Variants in CFAP57 observed in about 807,000 individuals in gnomAD.
The protein encoded by CFAP57 is cilia- and flagella-associated protein 57.
Under a neutral mutation model 146.8 loss-of-function variants are expected in CFAP57, and 116 were observed. The ratio of observed to expected loss-of-function variants is 0.79; its 90% confidence interval spans 0.68 to 0.92. The LOEUF is 0.92. Ranked by LOEUF, CFAP57 falls within the 40% of genes least tolerant of loss-of-function variation. CFAP57 has a pLI of 0.00. For missense variants in CFAP57, 1,377 were observed against 1,527.2 expected (o/e 0.90, Z 1.64); for synonymous variants, 518 against 552.8 (o/e 0.94, Z 0.88).
chr1:43,184,537 G>A (rs1645559902), intron 4 of CFAP57, among the ~76,000 whole-genome samples: 2 of 151,952 alleles, frequency 1.3e-5, no homozygotes, highest in South Asian at 4.2e-4. Context: ...CCATTTTGTA[G>A]ACAAGGAAAC....
rs552907284 is a variant in CFAP57, at chr1:43,208,643, G to A, written c.1756-1100G>A. Among the ~76,000 whole-genome samples, 14 of 152,296 alleles carry A rather than the reference G, an allele frequency of 9.2e-5. No individual in the cohort carries two copies. In the East Asian group the frequency reaches 1.7e-3, roughly 19 times the overall value. On this transcript the variant is annotated intron_variant, in intron 10 of 22. Coordinates refer to ENST00000372492, the MANE Select transcript of CFAP57 (RefSeq NM_001378189.1). ...GGAACACCACACAACGGGGCCTGTC[G>A]TGGGATGGGGGGAACAGGGAGGGAT...
intron 8 of CFAP57, 130 bp from the exon 9 acceptor site, chr1:43,199,260 C>T (rs1644004866): frequency 1.2e-6 from 1 of 853,934 alleles, no homozygotes; most frequent in Non-Finnish European, 2.0e-6. Flanking sequence ...CTCATTTGCA[C>T]CTTCCCCCCA....
intron 2 of CFAP57, among the ~76,000 whole-genome samples, chr1:43,180,221 T>A (rs1645338854): frequency 8.0e-6 from 1 of 125,592 alleles, no homozygotes; most frequent in African/African-American, 3.9e-5. Flanking sequence ...AATATATATA[T>A]TTTATATATA....
intron 2 of CFAP57, among the ~76,000 whole-genome samples, chr1:43,178,504 C>T (rs1263620691): frequency 1.3e-5 from 2 of 152,192 alleles, no homozygotes; most frequent in African/African-American, 4.8e-5. Context: ...CAAAAGAAGA[C>T]ATTTATGCAG....
In CFAP57 at chr1:43,245,484, C is replaced by T. The variant is rs1053743699; in HGVS notation, c.3538+2125C>T. On this transcript the variant is annotated intron_variant, in intron 22 of 22. Coordinates refer to ENST00000372492, the MANE Select transcript of CFAP57 (RefSeq NM_001378189.1). ...ATTGAGAGAGAAGTCTAATCAATTC[C>T]TGGGACCCCAGTCCCCTACTTCCAA... is the stretch of plus-strand genomic sequence containing the variant. 2.0e-5 allele frequency among the ~76,000 whole-genome samples: 3 copies of T among 152,244 alleles called. No individual in the cohort carries two copies. In the South Asian group the frequency reaches 6.2e-4, roughly 32 times the overall value.
In CFAP57 at chr1:43,201,625, CTT is replaced by C. The variant is rs558063307; in HGVS notation, c.1542+2128_1542+2129del. On this transcript the variant is annotated intron_variant, in intron 9 of 22. Coordinates refer to ENST00000372492, the MANE Select transcript of CFAP57 (RefSeq NM_001378189.1). This position sits in a 1 kb window ranked among gnomAD's most constrained non-coding sequence, Gnocchi z 4.4. ...CTCAGCCTCCCAAGTAACACAAACT[CTT>C]TTTTTGAGACAGAGTTTCGCTTTCG... Among the ~76,000 whole-genome samples the C allele has an allele frequency of 6.6e-6, 1 of 151,706 alleles. No individual in the cohort carries two copies. Among genetic ancestry groups the C allele is most frequent in the African/African-American group, 2.4e-5 (1 of 41,308 alleles).
At position 43,238,076 on chromosome 1, in the gene CFAP57, G is replaced by C. The variant is rs139612481; in HGVS notation, c.3405+3438G>C. On this transcript the variant is annotated intron_variant, in intron 21 of 22. Coordinates refer to ENST00000372492, the MANE Select transcript of CFAP57 (RefSeq NM_001378189.1). This position sits in a 1 kb window ranked among gnomAD's most constrained non-coding sequence, Gnocchi z 4.3. ...AATAGAAATGTCAGGTTAGACATGG[G>C]AGGAAGGTTGAAAGAACGGAGAAGG... Among the ~76,000 whole-genome samples the C allele has an allele frequency of 6.6e-6, 1 of 152,368 alleles. No individual in the cohort carries two copies. The highest frequency in any genetic ancestry group is 1.5e-5 in the Non-Finnish European group (1 of 68,038).
Position 43,222,814 on chromosome 1 carries a change from T to C in CFAP57, c.2533-10T>C. 3 of 1,532,978 alleles carry C rather than the reference T, an allele frequency of 2.0e-6. No homozygotes were observed. Among genetic ancestry groups the C allele is most frequent in the South Asian group, 2.5e-5 (2 of 80,654 alleles). 95.0% of individuals were successfully genotyped at this position (1,532,978 alleles called of 1,614,324 possible). On this transcript the variant is annotated splice_polypyrimidine_tract_variant and intron_variant, in intron 15 of 22. Coordinates refer to ENST00000372492, the MANE Select transcript of CFAP57 (RefSeq NM_001378189.1). Reference sequence around the variant, plus strand: ...CTCCCCTGACCACACGCCCACTCTCTCTGAGCCAGGCACAGGAAGACGTCA... The same window carrying C: ...CTCCCCTGACCACACGCCCACTCTCCCTGAGCCAGGCACAGGAAGACGTCA...
At chr1:43,187,666 C>G (rs1643231866) in intron 6 of CFAP57, among the ~76,000 whole-genome samples, 1 of 151,912 alleles carries the variant, frequency 6.6e-6, no homozygotes, top group Non-Finnish European at 1.5e-5. Flanking sequence ...AATTATCACC[C>G]CTCCCCACCC....
At chr1:43,181,497 A>G (rs748824404) in intron 2 of CFAP57, 37 bp from the exon 3 acceptor site, 7 of 1,611,858 alleles carry the variant, frequency 4.3e-6, no homozygotes, top group Non-Finnish European at 4.2e-6. Flanking sequence ...TGAAAGTGTG[A>G]TCTACCCTGA....
chr1:43,207,487 A>C (rs1644406932), intron 10 of CFAP57, among the ~76,000 whole-genome samples: 1 of 152,218 alleles, frequency 6.6e-6, no homozygotes, highest in African/African-American at 2.4e-5. Context: ...AGTAGGCTCT[A>C]CCACATAGCC....
chr1:43,197,774 CA>C, intron 7 of CFAP57, 82 bp downstream of exon 7: 2 of 1,561,262 alleles, frequency 1.3e-6, no homozygotes, highest in East Asian at 4.5e-5. Flanking sequence ...TACAGTGTTC[CA>C]AACTTTAATT....
At chr1:43,180,992 T>C (rs2643015) in intron 2 of CFAP57, among the ~76,000 whole-genome samples, 77,417 of 151,526 alleles carry the variant, frequency 0.51, 22,012 homozygotes, top group African/African-American at 0.78. Context: ...TACCACCCAG[T>C]CCCCATCTCA....
chr1:43,215,382 A>G lies in CFAP57; in HGVS notation c.2057A>G (p.Glu686Gly), dbSNP rs961949412. 6.4e-7 allele frequency: 1 copy of G among 1,550,962 alleles called. No individual in the cohort carries two copies. The highest frequency in any genetic ancestry group is 8.7e-7 in the Non-Finnish European group (1 of 1,147,064). Residue 686 changes from glutamate (E) to glycine (G), a missense_variant, in exon 12 of 23, where the codon GAG becomes GGG. Physicochemically the swap from Glu to Gly is moderately conservative, Grantham distance 98. Transcript: ENST00000372492. Reference protein sequence around the residue: ...KREREVGFAEEVLVTKTDMEE... With the variant: ...KREREVGFAEGVLVTKTDMEE... ...GAGAGGGAGGTGGGCTTTGCCGAAG[A>G]GGTGCTTGTGACTAAAACAGACATG...
At position 43,199,380 on chromosome 1, in the gene CFAP57, T is replaced by C; in HGVS notation, c.1429-10T>C. On this transcript the variant is annotated splice_polypyrimidine_tract_variant and intron_variant, in intron 8 of 22. Coordinates refer to ENST00000372492, the MANE Select transcript of CFAP57 (RefSeq NM_001378189.1). ...CTGCTTGCTTGCTCTCTTGCTGTCT[T>C]TCCCTATAGTGTTCCTTTAGCAATG... 1 of 1,613,814 alleles carries C rather than the reference T, an allele frequency of 6.2e-7. No individual in the cohort carries two copies. The highest frequency in any genetic ancestry group is 8.5e-7 in the Non-Finnish European group (1 of 1,179,680).
At chr1:43,235,453 A>G (rs530855264) in intron 21 of CFAP57, among the ~76,000 whole-genome samples, 7 of 152,360 alleles carry the variant, frequency 4.6e-5, no homozygotes, top group African/African-American at 1.4e-4. Flanking sequence ...CTTTATTGCC[A>G]TAATTAAAAT....
intron 2 of CFAP57, among the ~76,000 whole-genome samples, chr1:43,174,625 C>G (rs779258039): frequency 1.4e-4 from 21 of 151,984 alleles, no homozygotes; most frequent in South Asian, 8.3e-4. Flanking sequence ...AGACCATCCT[C>G]GCCAACATAG....
At chr1:43,191,561 T>TG (rs1421686079) in intron 6 of CFAP57, among the ~76,000 whole-genome samples, 1 of 131,944 alleles carries the variant, frequency 7.6e-6, no homozygotes, top group African/African-American at 3.0e-5. Flanking sequence ...CACTCCAGCA[T>TG]GGGTGACAAA....
At position 43,185,321 on chromosome 1, in the gene CFAP57, GA is replaced by G; in HGVS notation, c.938del (p.Lys313ArgfsTer57). ...AGTTCTGCTGTTTGAGAAGATGGAA[GA>G]AAAGGATTTTTACCGTGAGAGCAGA... ...GRVLLFEKMEEKDFYRESREI... is the reference protein window; with the variant it reads ...GRVLLFEKMEXKDFYRESREI... On this transcript the variant is annotated frameshift_variant, in exon 5 of 23. Transcript: ENST00000372492. LOFTEE classifies it high-confidence loss of function. The G allele has an allele frequency of 6.2e-7, 1 of 1,614,094 alleles. No homozygotes were observed. Among genetic ancestry groups the G allele is most frequent in the Non-Finnish European group, 8.5e-7 (1 of 1,180,020 alleles).
Sources: allele counts gnomAD v4.1 joint callset (sites outside exome capture counted in the v4.1 genomes callset), GRCh38; gene constraint gnomAD v4.1.1; non-coding constraint Gnocchi (gnomAD v3.1); transcripts MANE v1.5; gene names NCBI Gene and HGNC (gene_info 2026-07-23, HGNC 2026-07-21).